The following CLSTN2 variants were observed in gnomAD, a reference collection of about 807,000 sequenced individuals.
The protein encoded by CLSTN2 is calsyntenin 2, also known as calsyntenin-2.
A neutral mutation model predicts 101.2 loss-of-function variants in CLSTN2; 48 were observed. That is an observed-to-expected ratio of 0.47 (90% CI 0.38 to 0.60). The LOEUF is 0.60. Among genes scored for constraint, CLSTN2 ranks in the 20% least tolerant of loss-of-function variants. CLSTN2 has a pLI of 0.00. For missense variants in CLSTN2, 1,160 were observed against 1,238.2 expected (o/e 0.94, Z 0.95); for synonymous variants, 481 against 463.6 (o/e 1.04, Z -0.48).
At chr3:140,312,765 A>C (rs905083566) in intron 2 of CLSTN2, among the ~76,000 whole-genome samples, 6 of 152,362 alleles carry the variant, frequency 3.9e-5, no homozygotes, top group African/African-American at 1.4e-4. Flanking sequence ...TCAGAGAAAC[A>C]TAATTTAGTT....
chr3:140,265,497 C>T (rs1339108095), intron 2 of CLSTN2, among the ~76,000 whole-genome samples: 3 of 152,122 alleles, frequency 2.0e-5, no homozygotes, highest in African/African-American at 4.8e-5. Flanking sequence ...TGTCAGAGGC[C>T]CCATGAGGCC....
intron 9 of CLSTN2, among the ~76,000 whole-genome samples, chr3:140,543,229 A>AGG (rs1935523031): frequency 6.6e-6 from 1 of 152,164 alleles, no homozygotes. Flanking sequence ...GAGCAGCTCC[A>AGG]CCATTCACAC....
chr3:140,196,701 C>T (rs1346725270), intron 2 of CLSTN2, among the ~76,000 whole-genome samples: 2 of 152,152 alleles, frequency 1.3e-5, no homozygotes, highest in African/African-American at 4.8e-5. Flanking sequence ...ACAAAGCTGT[C>T]CACTCTCATC....
At chr3:140,263,645 C>A (rs1038902965) in intron 2 of CLSTN2, among the ~76,000 whole-genome samples, 1 of 152,222 alleles carries the variant, frequency 6.6e-6, no homozygotes, top group Non-Finnish European at 1.5e-5. Context: ...AAACTTACAT[C>A]TCTTCCCTTT....
intron 1 of CLSTN2, among the ~76,000 whole-genome samples, chr3:140,086,069 A>G (rs910298752): frequency 1.3e-5 from 2 of 152,282 alleles, no homozygotes; most frequent in Admixed American, 6.5e-5. Context: ...AGTCCATAAT[A>G]ATAATAGACT....
chr3:140,530,206 AC>A (rs1376557533), intron 8 of CLSTN2, among the ~76,000 whole-genome samples: 1 of 152,248 alleles, frequency 6.6e-6, no homozygotes, highest in Non-Finnish European at 1.5e-5. Flanking sequence ...TAGCCATATT[AC>A]ACAGCTACTT....
At chr3:140,545,850 C>A (rs1935573484) in intron 9 of CLSTN2, among the ~76,000 whole-genome samples, 1 of 152,162 alleles carries the variant, frequency 6.6e-6, no homozygotes, top group Non-Finnish European at 1.5e-5. Context: ...AAGGGAGAAC[C>A]ACAGGAATCA....
intron 1 of CLSTN2, among the ~76,000 whole-genome samples, chr3:139,970,758 T>G (rs1935682877): frequency 6.6e-6 from 1 of 152,196 alleles, no homozygotes; most frequent in Non-Finnish European, 1.5e-5. Context: ...AATTGTTGTT[T>G]CCAAGGGTAA....
At chr3:140,292,625 A>G (rs2107904416) in intron 2 of CLSTN2, among the ~76,000 whole-genome samples, 1 of 152,362 alleles carries the variant, frequency 6.6e-6, no homozygotes, top group African/African-American at 2.4e-5. Flanking sequence ...TGCAAGTTGC[A>G]CAGTCAGAAA....
At chr3:140,009,184 C>T (rs771799545) in intron 1 of CLSTN2, among the ~76,000 whole-genome samples, 1 of 152,134 alleles carries the variant, frequency 6.6e-6, no homozygotes, top group Non-Finnish European at 1.5e-5. Flanking sequence ...GGAATATTTC[C>T]TATCTATTGT....
chr3:140,487,369 C>T (rs535926094), intron 8 of CLSTN2, among the ~76,000 whole-genome samples: 51 of 152,172 alleles, frequency 3.4e-4, no homozygotes, highest in Non-Finnish European at 2.6e-4. Context: ...AAGAGGTAAA[C>T]CAGCTTCTGA....
rs768409684 is a variant in CLSTN2, at chr3:140,459,636, T to C, written c.1089T>C (p.Gly363=). 6.2e-7 allele frequency: 1 copy of C among 1,614,028 alleles called. No individual in the cohort carries two copies. The stretch of plus-strand genomic sequence containing the variant: ...TCTTCAAGTTTGACGGCAGGCAGGG[T>C]GCCAAAGTCCCCGATGGGATTGTGC... ...EMIFKFDGRQ[G]AKVPDGIVPK... The change falls in exon 7 of 17, where the codon GGT becomes GGC. Residue 363 remains glycine, a synonymous_variant. Transcript: ENST00000458420.
chr3:139,998,335 C>CTTTTTT (rs1290360293), intron 1 of CLSTN2, among the ~76,000 whole-genome samples: 9 of 20,400 alleles, frequency 4.4e-4, no homozygotes, highest in Non-Finnish European at 7.1e-4. Flanking sequence ...CCCCCACATG[C>CTTTTTT]CTTTTTTTTT....
intron 1 of CLSTN2, among the ~76,000 whole-genome samples, chr3:140,036,269 G>A (rs1176596420): frequency 1.3e-5 from 2 of 152,032 alleles, no homozygotes; most frequent in African/African-American, 4.8e-5. Flanking sequence ...CTTACGTTCT[G>A]TATCATTTTT....
chr3:140,382,373 A>T (rs2087995051), intron 2 of CLSTN2, among the ~76,000 whole-genome samples: 1 of 152,224 alleles, frequency 6.6e-6, no homozygotes, highest in Non-Finnish European at 1.5e-5. Context: ...GAAGGGAAAC[A>T]GTCACTATTC....
chr3:139,970,069 G>T (rs1375617988), intron 1 of CLSTN2, among the ~76,000 whole-genome samples: 1 of 152,174 alleles, frequency 6.6e-6, no homozygotes, highest in African/African-American at 2.4e-5. Context: ...GGAATGACTG[G>T]AATGTGTGAT....
chr3:140,342,823 C>T (rs2087505505), intron 2 of CLSTN2, among the ~76,000 whole-genome samples: 1 of 152,168 alleles, frequency 6.6e-6, no homozygotes, highest in Non-Finnish European at 1.5e-5. Context: ...GCCAGAACAT[C>T]TTGCAGCCTC....
At chr3:140,126,031 T>C (rs4683807) in intron 1 of CLSTN2, among the ~76,000 whole-genome samples, 112,143 of 151,926 alleles carry the variant, frequency 0.74, 41,495 homozygotes, top group Admixed American at 0.82. Context: ...CGATAGGAGG[T>C]GATGGTCAGG....
intron 2 of CLSTN2, among the ~76,000 whole-genome samples, chr3:140,349,817 T>A (rs1046676398): frequency 1.3e-4 from 20 of 152,202 alleles, no homozygotes; most frequent in African/African-American, 4.8e-4. Context: ...AAACTGCATG[T>A]TGCTAGCATG....
Sources: gnomAD v4.1 joint callset for allele counts (sites outside exome capture counted in the v4.1 genomes callset) on GRCh38, gnomAD v4.1.1 for gene constraint, MANE v1.5 for transcripts, NCBI Gene and HGNC (gene_info 2026-07-23, HGNC 2026-07-21) for gene names.